The following FLT3LG variants were observed in gnomAD, a reference collection of about 807,000 sequenced individuals.
FLT3LG encodes the protein fms-related tyrosine kinase 3 ligand.
Under a neutral mutation model 30.9 loss-of-function variants are expected in FLT3LG, and 8 were observed. That is an observed-to-expected ratio of 0.26 (90% CI 0.15 to 0.47). FLT3LG has a LOEUF of 0.47. Among genes scored for constraint, FLT3LG ranks in the 20% least tolerant of loss-of-function variants. FLT3LG has a pLI of 0.99. For missense variants in FLT3LG, 278 were observed against 306.2 expected (o/e 0.91, Z 0.69); for synonymous variants, 123 against 135.9 (o/e 0.91, Z 0.66).
chr19:49,477,510 G>T (rs563584811), intron 5 of FLT3LG, among the ~76,000 whole-genome samples: 1 of 151,812 alleles, frequency 6.6e-6, no homozygotes, highest in Non-Finnish European at 1.5e-5. Flanking sequence ...AGGCTGAGGC[G>T]GGTGGATTGC....
intron 8 of FLT3LG, among the ~76,000 whole-genome samples, chr19:49,482,897 G>T (rs2079662925): frequency 6.6e-6 from 1 of 151,700 alleles, no homozygotes; most frequent in African/African-American, 2.4e-5. Context: ...AAAGTGCTGG[G>T]ATTACAGGCG....
Position 49,476,820 on chromosome 19 carries a change from T to G in FLT3LG, c.342+254T>G. The stretch of plus-strand genomic sequence containing the variant: ...ATGAAGGGTGCCACTGAGGGGTTCT[T>G]CCCCCAAAAAAAAACAGGGAGAGAA... On this transcript the variant is annotated intron_variant, in intron 5 of 8. Coordinates refer to ENST00000597551, the MANE Select transcript of FLT3LG (RefSeq NM_001459.4). The surrounding 1 kb of genome is among the most constrained non-coding windows in gnomAD (Gnocchi z 5.3). The G allele has an allele frequency of 2.2e-6, 1 of 447,440 alleles. No homozygotes were observed. 27.7% of individuals were successfully genotyped at this position (447,440 alleles called of 1,614,324 possible).
rs1462712837 is a variant in FLT3LG, at chr19:49,479,005, C to G, written c.439C>G (p.Arg147Gly). The change falls in exon 6 of 9, where the codon CGC becomes GGC. Residue 147 changes from arginine to glycine, a missense_variant. This residue lies in a region of FLT3LG where 170 missense variants were observed against 162.0 expected (regional missense o/e 1.05). Transcript: ENST00000597551. Reference protein sequence around the residue: ...QLVALKPWITRQNFSRCLELQ... With the variant: ...QLVALKPWITGQNFSRCLELQ... ...GGTGGCGCTGAAGCCCTGGATCACTCGCCAGAACTTCTCCCGGTGCCTGGA... is the reference window on the plus strand; with the variant it reads ...GGTGGCGCTGAAGCCCTGGATCACTGGCCAGAACTTCTCCCGGTGCCTGGA... The G allele has an allele frequency of 1.2e-6, 2 of 1,607,096 alleles. No individual in the cohort carries two copies. Among genetic ancestry groups the G allele is most frequent in the Non-Finnish European group, 1.7e-6 (2 of 1,176,938 alleles).
chr19:49,485,808 G>A (rs1303979220), intron 8 of FLT3LG, among the ~76,000 whole-genome samples: 3 of 152,140 alleles, frequency 2.0e-5, no homozygotes, highest in South Asian at 4.1e-4. Flanking sequence ...ATGAGCCACC[G>A]CGCCCGGGGA....
In FLT3LG at chr19:49,474,593, C is replaced by T. The variant is rs368120792; in HGVS notation, c.-37-10C>T. The T allele has an allele frequency of 6.2e-7, 1 of 1,605,288 alleles. No individual in the cohort carries two copies. The highest frequency in any genetic ancestry group is 8.5e-7 in the Non-Finnish European group (1 of 1,174,814). ...GAGGGTCCGAGACTTGTTCTTCTGT[C>T]CCTTCCAAGACCCGGCGACAGGAGG... On this transcript the variant is annotated splice_polypyrimidine_tract_variant and intron_variant, in intron 1 of 8. Coordinates refer to ENST00000597551, the MANE Select transcript of FLT3LG (RefSeq NM_001459.4).
intron 1 of FLT3LG, 67 bp downstream of exon 1, chr19:49,474,348 G>C: frequency 1.8e-6 from 1 of 562,330 alleles, no homozygotes; most frequent in Non-Finnish European, 3.2e-6. Flanking sequence ...CCTGGGGCAG[G>C]GGGAGCAGAG....
At position 49,478,240 on chromosome 19, in the gene FLT3LG, G is replaced by C. The variant is rs561830887; in HGVS notation, c.343-669G>C. Among the ~76,000 whole-genome samples, 689 of 152,174 alleles carry C rather than the reference G, an allele frequency of 4.5e-3. 2 individuals carry two copies. The highest frequency in any genetic ancestry group is 0.016 in the African/African-American group (667 of 41,506). On this transcript the variant is annotated intron_variant, in intron 5 of 8. Coordinates refer to ENST00000597551, the MANE Select transcript of FLT3LG (RefSeq NM_001459.4). ...TCCCACACTTTGGGAGGCCGAGGCG[G>C]GCGGATCACAAGGTCAGGAGATCAA...
In FLT3LG at chr19:49,474,350, G is replaced by T. The variant is rs2079300001; in HGVS notation, c.-38+69G>T. ...CAGGGTCCCCACTCCTGGGGCAGGG[G>T]GAGCAGAGGGTGGGGGGCTGGGTTC... On this transcript the variant is annotated intron_variant, in intron 1 of 8. Transcript: ENST00000597551. 11 of 563,756 alleles carry T rather than the reference G, an allele frequency of 2.0e-5. No homozygotes were observed. The South Asian group carries it at 2.3e-4, about 12-fold the overall frequency. 34.9% of individuals were successfully genotyped at this position (563,756 alleles called of 1,614,324 possible). A position where few individuals can be genotyped will look rare whatever the true frequency, so the allele number is the denominator to read the frequency against.
chr19:49,483,866 CAAAA>C (rs34619675), intron 8 of FLT3LG, among the ~76,000 whole-genome samples: 64 of 50,108 alleles, frequency 1.3e-3, no homozygotes, highest in African/African-American at 2.9e-3. Flanking sequence ...GACTCTGTCT[CAAAA>C]AAAAAAAAAA....
intron 1 of FLT3LG, 48 bp from the exon 2 acceptor site, chr19:49,474,554 AG>A: frequency 8.4e-7 from 1 of 1,192,884 alleles, no homozygotes; most frequent in Non-Finnish European, 1.1e-6. Context: ...CGGGCAGGGC[AG>A]GGGCTGGGGC....
intron 2 of FLT3LG, among the ~76,000 whole-genome samples, chr19:49,474,906 G>A (rs1367819837): frequency 8.5e-6 from 1 of 117,720 alleles, no homozygotes; most frequent in Admixed American, 8.1e-5. Context: ...GGGAGATAGA[G>A]AGGAGTGGGA....
Position 49,477,249 on chromosome 19 carries a change from C to T in FLT3LG, c.342+683C>T, listed in dbSNP as rs147911547. On this transcript the variant is annotated intron_variant, in intron 5 of 8. Transcript: ENST00000597551. The stretch of plus-strand genomic sequence containing the variant: ...TGAGCCCAGGAGTTCAAGACCAGCC[C>T]GGGTAACACAGTGAAACCTCATCTC... Among the ~76,000 whole-genome samples the T allele has an allele frequency of 1.4e-3, 207 of 151,784 alleles. 4 individuals carry two copies. The East Asian group carries it at 0.032, about 23-fold the overall frequency.
intron 8 of FLT3LG, among the ~76,000 whole-genome samples, chr19:49,484,302 T>TTC (rs1480173722): frequency 6.8e-6 from 1 of 146,330 alleles, no homozygotes; most frequent in African/African-American, 2.5e-5. Context: ...TTTTTTTTTT[T>TTC]TTTTTTTGTG....
At chr19:49,480,146 A>G (rs1231922505) in intron 6 of FLT3LG, 152 bp from the exon 7 acceptor site, 4 of 623,230 alleles carry the variant, frequency 6.4e-6, no homozygotes, top group African/African-American at 5.6e-5. Context: ...AGGTAGGTAC[A>G]ATGATTATCC....
At chr19:49,478,570 C>T (rs796504052) in intron 5 of FLT3LG, among the ~76,000 whole-genome samples, 5 of 152,012 alleles carry the variant, frequency 3.3e-5, no homozygotes, top group African/African-American at 4.8e-5. Flanking sequence ...GTCAGGAGTT[C>T]GAGACCAGCC....
At chr19:49,481,178 CAG>C (rs1354778946) in intron 8 of FLT3LG, 2 of 154,684 alleles carry the variant, frequency 1.3e-5, no homozygotes, top group Non-Finnish European at 2.9e-5. Flanking sequence ...AGTGGATGGG[CAG>C]AGAGTCAGGG....
At chr19:49,482,918 C>T (rs1036218266) in intron 8 of FLT3LG, among the ~76,000 whole-genome samples, 1 of 151,976 alleles carries the variant, frequency 6.6e-6, no homozygotes, top group Non-Finnish European at 1.5e-5. Flanking sequence ...TGAGCCACCG[C>T]GCCCGGGGTC....
In FLT3LG at chr19:49,476,221, T is replaced by C. The variant is rs775804570; in HGVS notation, c.198+23T>C. The C allele has an allele frequency of 6.3e-7, 1 of 1,594,586 alleles. No individual in the cohort carries two copies. The highest frequency in any genetic ancestry group is 1.6e-4 in the Middle Eastern group (1 of 6,062). Reference sequence around the variant, plus strand: ...GACGTAAGTCATGTTGGGAGGGACCTGGGATGGAGGTGGGGACCACAGACT... The same window carrying C: ...GACGTAAGTCATGTTGGGAGGGACCCGGGATGGAGGTGGGGACCACAGACT... On this transcript the variant is annotated intron_variant, in intron 4 of 8. Transcript: ENST00000597551. This position sits in a 1 kb window ranked among gnomAD's most constrained non-coding sequence, Gnocchi z 5.3.
At chr19:49,479,177 T>C in intron 6 of FLT3LG, 130 bp downstream of exon 6, 1 of 824,914 alleles carries the variant, frequency 1.2e-6, no homozygotes, top group Non-Finnish European at 1.7e-6. Context: ...TTCCTCTTTC[T>C]GGAGCTCAGT....
Sources: gnomAD v4.1 joint callset for allele counts (sites outside exome capture counted in the v4.1 genomes callset) on GRCh38, gnomAD v4.1.1 for gene constraint, gnomAD v4.1.1 regional missense constraint, Gnocchi (gnomAD v3.1) non-coding constraint, MANE v1.5 for transcripts, NCBI Gene and HGNC (gene_info 2026-07-23, HGNC 2026-07-21) for gene names.